Variants in EDA observed in about 807,000 individuals in gnomAD.
EDA encodes the protein ectodysplasin-A.
Under a neutral mutation model 23.6 loss-of-function variants are expected in EDA, and 2 were observed. The ratio of observed to expected loss-of-function variants is 0.08; its 90% CI spans 0.03 to 0.27. The LOEUF (loss-of-function observed/expected upper bound fraction) is 0.27. Among genes scored for constraint, EDA ranks in the 10% least tolerant of loss-of-function variants. The pLI is 1.00. For missense variants in EDA, 229 were observed against 324.2 expected (o/e 0.71, Z 2.26); for synonymous variants, 131 against 132.0 (o/e 0.99, Z 0.05).
chrX:69,735,841 A>G (rs2013232945), intron 1 of EDA, among the ~76,000 whole-genome samples: 1 of 111,303 alleles, frequency 9.0e-6, no homozygotes, highest in African/African-American at 3.3e-5. Flanking sequence ...AAAAACAGAA[A>G]ACAAGAACAA....
intron 1 of EDA, among the ~76,000 whole-genome samples, chrX:69,699,731 G>A (rs1344752603): frequency 4.5e-5 from 5 of 110,539 alleles, no homozygotes; most frequent in Non-Finnish European, 9.5e-5. Flanking sequence ...AGGGAGAAAG[G>A]TTTGGTGAGG....
intron 2 of EDA, among the ~76,000 whole-genome samples, chrX:69,989,829 A>G (rs1035547042): frequency 4.4e-5 from 4 of 90,972 alleles, no homozygotes; most frequent in African/African-American, 1.1e-4. Flanking sequence ...GAACAACAGG[A>G]AAAAAAAAGA....
intron 1 of EDA, among the ~76,000 whole-genome samples, chrX:69,883,473 T>C (rs1392942480): frequency 3.6e-5 from 4 of 111,636 alleles, no homozygotes; most frequent in Non-Finnish European, 7.5e-5. Context: ...GATAACTGGG[T>C]ACCCAATTTG....
rs750844860 is a variant in EDA at position 69,751,795 on chromosome X, A to G, written c.396+135091A>G. On this transcript the variant is annotated intron_variant, in intron 1 of 7. Transcript: ENST00000374552. The stretch of plus-strand genomic sequence containing the variant: ...TTTATTCCCTTTGAAGCAATTGTGA[A>G]TGGGAGTTCACTCATGATTTGGCTC... Among the ~76,000 whole-genome samples the G allele has an allele frequency of 9.1e-5, 10 of 110,171 alleles. No individual in the cohort carries two copies. In the East Asian group the frequency reaches 2.3e-3, roughly 26 times the overall value.
intron 1 of EDA, among the ~76,000 whole-genome samples, chrX:69,632,500 C>T (rs1479814091): frequency 1.8e-5 from 2 of 112,215 alleles, no homozygotes; most frequent in African/African-American, 6.5e-5. Flanking sequence ...CAGGCCCCAA[C>T]CTCTGCTGGA....
chrX:69,667,998 T>C (rs1933748272), intron 1 of EDA, among the ~76,000 whole-genome samples: 1 of 112,432 alleles, frequency 8.9e-6, no homozygotes, highest in Non-Finnish European at 1.9e-5. Flanking sequence ...AGTCATCTCT[T>C]GTTAGGCCCA....
intron 1 of EDA, among the ~76,000 whole-genome samples, chrX:69,867,403 A>T (rs1206674872): frequency 8.9e-6 from 1 of 112,178 alleles, no homozygotes; most frequent in Admixed American, 9.4e-5. Flanking sequence ...AGAGAGGTTC[A>T]TTCGCCTACC....
At chrX:69,750,320 G>T (rs2013792388) in intron 1 of EDA, among the ~76,000 whole-genome samples, 1 of 108,245 alleles carries the variant, frequency 9.2e-6, no homozygotes, top group East Asian at 2.9e-4. Context: ...ATGGTTTCCA[G>T]CTTCATCCAT....
chrX:69,672,755 A>G (rs1233706892), intron 1 of EDA, among the ~76,000 whole-genome samples: 1 of 110,576 alleles, frequency 9.0e-6, no homozygotes, highest in Non-Finnish European at 1.9e-5. Flanking sequence ...GGTGGTGGGC[A>G]CCTGTAGTCC....
chrX:69,764,493 T>C (rs2014413167), intron 1 of EDA, among the ~76,000 whole-genome samples: 1 of 109,059 alleles, frequency 9.2e-6, no homozygotes, highest in African/African-American at 3.3e-5. Flanking sequence ...TCCACCCGCC[T>C]CTCCCTCCCA....
At chrX:69,887,371 A>G (rs2017845588) in intron 1 of EDA, among the ~76,000 whole-genome samples, 1 of 112,003 alleles carries the variant, frequency 8.9e-6, no homozygotes, top group South Asian at 3.7e-4. Flanking sequence ...TGAGAAGTCT[A>G]ATAAATAGGA....
chrX:69,770,174 A>C (rs1043588704), intron 1 of EDA, among the ~76,000 whole-genome samples: 1 of 112,086 alleles, frequency 8.9e-6, no homozygotes, highest in African/African-American at 3.2e-5. Context: ...TTTTGGCTAT[A>C]ATGATTTGAG....
At chrX:69,997,365 C>A (rs1216250328) in intron 2 of EDA, among the ~76,000 whole-genome samples, 1 of 111,719 alleles carries the variant, frequency 9.0e-6, no homozygotes, top group Non-Finnish European at 1.9e-5. Context: ...ATTTATAGAA[C>A]TTTGAACTTG....
chrX:69,822,092 G>A (rs980013587), intron 1 of EDA, among the ~76,000 whole-genome samples: 2 of 110,668 alleles, frequency 1.8e-5, no homozygotes, highest in Non-Finnish European at 3.8e-5. Flanking sequence ...AGGCCAGCCT[G>A]GGCAACATAT....
In EDA at chrX:69,827,608, T is replaced by G. The variant is rs774829058; in HGVS notation, c.397-129419T>G. On this transcript the variant is annotated intron_variant, in intron 1 of 7. Coordinates refer to ENST00000374552, the MANE Select transcript of EDA (RefSeq NM_001399.5). Reference sequence around the variant, plus strand: ...TTCTAGTTATACATTCTTCTAAATTTTTTTCAAAGTTTTCAACCTCTTTGC... The same window carrying G: ...TTCTAGTTATACATTCTTCTAAATTGTTTTCAAAGTTTTCAACCTCTTTGC... Among the ~76,000 whole-genome samples the G allele has an allele frequency of 1.3e-4, 15 of 111,624 alleles. No individual in the cohort carries two copies. The South Asian group carries it at 1.5e-3, about 11-fold the overall frequency.
intron 1 of EDA, among the ~76,000 whole-genome samples, chrX:69,685,134 A>C (rs1411964287): frequency 8.9e-6 from 1 of 112,308 alleles, no homozygotes. Context: ...AAAGTCTTTC[A>C]ATGGCTACCC....
chrX:69,790,327 G>T (rs1242143630), intron 1 of EDA, among the ~76,000 whole-genome samples: 1 of 110,299 alleles, frequency 9.1e-6, no homozygotes. Context: ...TGTCGGGAGA[G>T]GGGGCAGAGG....
intron 1 of EDA, among the ~76,000 whole-genome samples, chrX:69,677,499 T>G (rs2147275891): frequency 1.8e-5 from 2 of 111,682 alleles, no homozygotes; most frequent in South Asian, 7.6e-4. Context: ...TGTTGTTTCC[T>G]GACTTTTTAA....
At chrX:69,961,464 C>T (rs2019101584) in intron 2 of EDA, among the ~76,000 whole-genome samples, 1 of 112,031 alleles carries the variant, frequency 8.9e-6, no homozygotes, top group African/African-American at 3.2e-5. Context: ...TTTCATCAGA[C>T]TATTAAACTA....
Sources: gnomAD v4.1 joint callset for allele counts (sites outside exome capture counted in the v4.1 genomes callset) on GRCh38, gnomAD v4.1.1 for gene constraint, MANE v1.5 for transcripts, NCBI Gene and HGNC (gene_info 2026-07-23, HGNC 2026-07-21) for gene names.